The following FAM210A variants were observed in gnomAD, a reference collection of about 807,000 sequenced individuals.
FAM210A encodes the protein family with sequence similarity 210 member A.
Under a neutral mutation model 25.3 loss-of-function variants are expected in FAM210A, and 13 were observed. The ratio of observed to expected loss-of-function variants is 0.51; its 90% CI spans 0.33 to 0.82. FAM210A has a LOEUF of 0.82. FAM210A is among the 40% of genes least tolerant of loss of function. The probability of loss-of-function intolerance (pLI) is 0.02; values close to 1 mark genes in which losing one functional copy is unlikely to be tolerated. For missense variants in FAM210A, 319 were observed against 323.2 expected (o/e 0.99, Z 0.10); for synonymous variants, 125 against 118.7 (o/e 1.05, Z -0.35).
At chr18:13,710,520 T>C (rs1601965891) in intron 1 of FAM210A, 1 of 152,298 alleles carries the variant, frequency 6.6e-6, no homozygotes, top group South Asian at 2.1e-4. Flanking sequence ...CCTTACTTCA[T>C]GAGTCATGGG....
intron 2 of FAM210A, among the ~76,000 whole-genome samples, chr18:13,677,842 T>C (rs2043518455): frequency 6.6e-6 from 1 of 152,168 alleles, no homozygotes; most frequent in African/African-American, 2.4e-5. Flanking sequence ...CGGTAAACTC[T>C]TAATTTTTAA....
intron 1 of FAM210A, among the ~76,000 whole-genome samples, chr18:13,708,463 C>T (rs1004146298): frequency 3.3e-5 from 5 of 152,136 alleles, no homozygotes; most frequent in Non-Finnish European, 2.9e-5. Context: ...CACTCTAATC[C>T]TCTGTATTTC....
chr18:13,669,010 TA>T (rs1382182284), intron 3 of FAM210A, among the ~76,000 whole-genome samples: 1 of 152,186 alleles, frequency 6.6e-6, no homozygotes, highest in African/African-American at 2.4e-5. Context: ...ATGGCAATTC[TA>T]TTCTTCCAGT....
At chr18:13,717,866 G>A (rs993628887) in intron 1 of FAM210A, among the ~76,000 whole-genome samples, 5 of 152,178 alleles carry the variant, frequency 3.3e-5, no homozygotes, top group African/African-American at 1.2e-4. Context: ...TGGAGACAGA[G>A]TTTTCTGCTG....
At chr18:13,680,552 C>T (rs1447861540) in intron 2 of FAM210A, among the ~76,000 whole-genome samples, 1 of 152,192 alleles carries the variant, frequency 6.6e-6, no homozygotes, top group East Asian at 1.9e-4. Flanking sequence ...AGTTTCTATT[C>T]CATCATCCTG....
At chr18:13,685,368 G>C (rs1045903423) in intron 1 of FAM210A, among the ~76,000 whole-genome samples, 6 of 151,078 alleles carry the variant, frequency 4.0e-5, no homozygotes, top group African/African-American at 1.2e-4. Flanking sequence ...CCTGCTTCCA[G>C]GTCCTCTCAA....
chr18:13,677,755 T>C (rs1020217929), intron 2 of FAM210A, among the ~76,000 whole-genome samples: 21 of 152,174 alleles, frequency 1.4e-4, no homozygotes, highest in African/African-American at 4.1e-4. Context: ...GCAGGGTCGG[T>C]AGACCTCCAC....
intron 1 of FAM210A, among the ~76,000 whole-genome samples, chr18:13,718,892 G>A (rs2043879716): frequency 6.6e-6 from 1 of 152,152 alleles, no homozygotes; most frequent in African/African-American, 2.4e-5. Flanking sequence ...AGTTTTGTCA[G>A]TGTTTACTGT....
chr18:13,716,641 G>A (rs2043864066), intron 1 of FAM210A, among the ~76,000 whole-genome samples: 1 of 152,116 alleles, frequency 6.6e-6, no homozygotes, highest in Admixed American at 6.5e-5. Context: ...CCTGGTGGGA[G>A]TAATTGGATC....
At chr18:13,683,698 A>G (rs2043573762) in intron 1 of FAM210A, among the ~76,000 whole-genome samples, 1 of 151,852 alleles carries the variant, frequency 6.6e-6, no homozygotes, top group Non-Finnish European at 1.5e-5. Context: ...TTCCTTCAAC[A>G]TCAGGTGGTA....
chr18:13,669,725 T>G (rs1032656854), intron 3 of FAM210A, among the ~76,000 whole-genome samples: 3 of 152,202 alleles, frequency 2.0e-5, no homozygotes. Context: ...TTTTGCACTG[T>G]CTTCTTTGAT....
At chr18:13,676,659 G>C (rs552878355) in intron 2 of FAM210A, among the ~76,000 whole-genome samples, 1 of 152,286 alleles carries the variant, frequency 6.6e-6, no homozygotes, top group South Asian at 2.1e-4. Context: ...CTAGATTACA[G>C]TTTCCTAAAT....
chr18:13,688,534 A>G (rs1039470863), intron 1 of FAM210A, among the ~76,000 whole-genome samples: 3 of 152,180 alleles, frequency 2.0e-5, no homozygotes, highest in African/African-American at 7.2e-5. Flanking sequence ...TCATCACTCA[A>G]TAAAATTCTC....
chr18:13,689,053 G>A (rs528288708), intron 1 of FAM210A, among the ~76,000 whole-genome samples: 1 of 152,232 alleles, frequency 6.6e-6, no homozygotes, highest in African/African-American at 2.4e-5. Context: ...TCCTGTGAAG[G>A]GGTCAAGAAA....
chr18:13,698,567 C>G (rs932794515), intron 1 of FAM210A, among the ~76,000 whole-genome samples: 2 of 151,962 alleles, frequency 1.3e-5, no homozygotes, highest in South Asian at 2.1e-4. Flanking sequence ...TAAGCCCCCC[C>G]GCCATTTTGC....
chr18:13,676,035 T>G (rs574429236), intron 2 of FAM210A, among the ~76,000 whole-genome samples: 12 of 148,018 alleles, frequency 8.1e-5, no homozygotes, highest in African/African-American at 2.7e-4. Flanking sequence ...CTGACCTCTT[T>G]ATTTCCAGTT....
At position 13,664,330 on chromosome 18, in the gene FAM210A, C is replaced by T. The variant is rs1294846664; in HGVS notation, c.*2150G>A. On this transcript the variant is annotated 3_prime_UTR_variant, in exon 4 of 4. Transcript: ENST00000651643. ...TTTCAGGATTATTAGTAATAAGAACCTCCAATTTATCCCCACTGGAAAATA... is the reference window on the plus strand; with the variant it reads ...TTTCAGGATTATTAGTAATAAGAACTTCCAATTTATCCCCACTGGAAAATA... 1 of 152,096 alleles carries T rather than the reference C, an allele frequency of 6.6e-6. No homozygotes were observed. Among genetic ancestry groups the T allele is most frequent in the Non-Finnish European group, 1.5e-5 (1 of 68,018 alleles). The allele number at this position is 152,096 out of a possible 1,614,324, so 9.4% of individuals were successfully genotyped here. A position where few individuals can be genotyped will look rare whatever the true frequency, so the allele number is the denominator to read the frequency against.
At chr18:13,698,729 C>T (rs2043715710) in intron 1 of FAM210A, among the ~76,000 whole-genome samples, 1 of 152,142 alleles carries the variant, frequency 6.6e-6, no homozygotes, top group South Asian at 2.1e-4. Context: ...TCTTGCTGGG[C>T]AAAGGGCACA....
chr18:13,723,098 T>C (rs931258053), intron 1 of FAM210A, among the ~76,000 whole-genome samples: 8 of 152,226 alleles, frequency 5.3e-5, no homozygotes, highest in Admixed American at 1.3e-4. Context: ...ATTCTGAATC[T>C]TGTCTATAAG....
Sources: gnomAD v4.1 joint callset for allele counts (sites outside exome capture counted in the v4.1 genomes callset) on GRCh38, gnomAD v4.1.1 for gene constraint, MANE v1.5 for transcripts, NCBI Gene and HGNC (gene_info 2026-07-23, HGNC 2026-07-21) for gene names.